TLX3: variants seen among roughly 807,000 people sequenced by gnomAD.
TLX3 encodes T cell leukemia homeobox 3.
In TLX3, 11 loss-of-function variants were observed where a neutral mutation model predicts 19.6. That is an observed-to-expected ratio of 0.56 (90% CI 0.35 to 0.93). The LOEUF is 0.93. Ranked by LOEUF, TLX3 falls within the 40% of genes least tolerant of loss-of-function variation. The probability of loss-of-function intolerance (pLI) is 0.01; values close to 1 mark genes in which losing one functional copy is unlikely to be tolerated. For missense variants in TLX3, 375 were observed against 418.6 expected (o/e 0.90, Z 0.91); for synonymous variants, 221 against 188.1 (o/e 1.17, Z -1.43).
Position 171,309,350 on chromosome 5 carries a change from C to CCCCCCCCA in TLX3, c.-16_-15insCCCCCCCA. ...CCTCCCCGCCCAGCCCAGCCCAGCC[C>CCCCCCCCA]TTCCGCCCGCCCAGGATGGAGGCGC... On this transcript the variant is annotated 5_prime_UTR_variant, in exon 1 of 3. Coordinates refer to ENST00000296921, the MANE Select transcript of TLX3 (RefSeq NM_021025.4). The CCCCCCCCA allele has an allele frequency of 5.2e-6, 8 of 1,550,724 alleles. No individual in the cohort carries two copies. Among genetic ancestry groups the CCCCCCCCA allele is most frequent in the Non-Finnish European group, 7.0e-6 (8 of 1,146,640 alleles).
rs1285483726 is a variant in TLX3, at chr5:171,309,713, G to A, written c.348G>A (p.Thr116=). 6.2e-7 allele frequency: 1 copy of A among 1,611,386 alleles called. No individual in the cohort carries two copies. Among genetic ancestry groups the A allele is most frequent in the South Asian group, 1.1e-5 (1 of 90,910 alleles). Reference sequence around the variant, plus strand: ...TACCCGCCATGCCCTCCGTGCCCACGGTCTCCAGCCTTGGCGGTCTCAATT... The same window carrying A: ...TACCCGCCATGCCCTCCGTGCCCACAGTCTCCAGCCTTGGCGGTCTCAATT... ...SALPAMPSVP[T]VSSLGGLNFP... The change falls in exon 1 of 3, where the codon ACG becomes ACA. Residue 116 remains threonine, a synonymous_variant. Coordinates refer to ENST00000296921, the MANE Select transcript of TLX3 (RefSeq NM_021025.4).
rs1350743592 is a variant in TLX3, at chr5:171,311,431, G to C, written c.708G>C (p.Ala236=). 1.3e-6 allele frequency: 2 copies of C among 1,572,084 alleles called. No individual in the cohort carries two copies. The highest frequency in any genetic ancestry group is 1.9e-5 in the Admixed American group (1 of 53,796). ...AEEREAERQQ[A]SRLMLQLQHD... ...AGCGGGAGGCGGAGCGGCAGCAGGC[G>C]AGCCGGCTCATGCTGCAGCTGCAAC... Residue 236 remains alanine (A), a synonymous_variant, in exon 3 of 3, where the codon GCG becomes GCC. Coordinates refer to ENST00000296921, the MANE Select transcript of TLX3 (RefSeq NM_021025.4). This position sits in a 1 kb window ranked among gnomAD's most constrained non-coding sequence, Gnocchi z 5.1.
Position 171,309,327 on chromosome 5 carries a change from TCC to T in TLX3, c.-36_-35del. On this transcript the variant is annotated 5_prime_UTR_variant, in exon 1 of 3. Transcript: ENST00000296921. ...GCGCCGTAACGGGGACCCAGCCGCC[TCC>T]CCGCCCAGCCCAGCCCAGCCCTTCC... 1.0e-6 allele frequency: 1 copy of T among 976,976 alleles called. No individual in the cohort carries two copies. Among genetic ancestry groups the T allele is most frequent in the African/African-American group, 1.7e-5 (1 of 58,114 alleles). 60.5% of individuals were successfully genotyped at this position (976,976 alleles called of 1,614,324 possible).
chr5:171,310,417 A>G (rs1405938812), intron 2 of TLX3, 24 bp downstream of exon 2: 4 of 1,606,168 alleles, frequency 2.5e-6, no homozygotes, highest in Middle Eastern at 3.3e-4. Flanking sequence ...GACCCGGCCC[A>G]CCTTACACCT....
chr5:171,310,758 A>G (rs1015772961), intron 2 of TLX3, among the ~76,000 whole-genome samples: 2 of 126,488 alleles, frequency 1.6e-5, no homozygotes, highest in African/African-American at 6.1e-5. Context: ...ACACACGCGC[A>G]CACACACGGG....
At chr5:171,310,114 G>C (rs1331459958) in intron 1 of TLX3, 36 bp from the exon 2 acceptor site, 1 of 1,539,994 alleles carries the variant, frequency 6.5e-7, no homozygotes, top group Non-Finnish European at 8.8e-7. Flanking sequence ...TGGCGGAGCC[G>C]GGCTGGGCTT....
Position 171,312,011 on chromosome 5 carries a change from G to T in TLX3, c.*412G>T, listed in dbSNP as rs1769233442. The T allele has an allele frequency of 1.0e-5, 2 of 194,012 alleles. No homozygotes were observed. The highest frequency in any genetic ancestry group is 7.8e-5 in the East Asian group (1 of 12,742). 12.0% of individuals were successfully genotyped at this position (194,012 alleles called of 1,614,324 possible). On this transcript the variant is annotated 3_prime_UTR_variant, in exon 3 of 3. Transcript: ENST00000296921. The stretch of plus-strand genomic sequence containing the variant: ...GGGGGCCGCTGGAGGAAGGGCAGCC[G>T]ACCCGGCCGCTGGGGGAAGTGCCAG...
Position 171,309,846 on chromosome 5 carries a change from G to A in TLX3, c.421+60G>A, listed in dbSNP as rs536377910. On this transcript the variant is annotated intron_variant, in intron 1 of 2. Coordinates refer to ENST00000296921, the MANE Select transcript of TLX3 (RefSeq NM_021025.4). The stretch of plus-strand genomic sequence containing the variant: ...GCCCTCTCGGGGCCAGAGGCGCCGC[G>A]CCCTGTGCGCTCCACTCCCGGAAAC... The A allele has an allele frequency of 5.4e-6, 8 of 1,484,448 alleles. No individual in the cohort carries two copies. The South Asian group carries it at 6.9e-5, about 13-fold the overall frequency. 92.0% of individuals were successfully genotyped at this position (1,484,448 alleles called of 1,614,324 possible).
chr5:171,311,659 C>T lies in TLX3; in HGVS notation c.*60C>T. ...CCCCCACCCAGCCGGGCGCCCCGGA[C>T]CCCCCAGGCGGGCTGCGGGGGAACC... On this transcript the variant is annotated 3_prime_UTR_variant, in exon 3 of 3. Coordinates refer to ENST00000296921, the MANE Select transcript of TLX3 (RefSeq NM_021025.4). The surrounding 1 kb of genome is among the most constrained non-coding windows in gnomAD (Gnocchi z 5.1). 7.3e-7 allele frequency: 1 copy of T among 1,370,340 alleles called. No homozygotes were observed. The highest frequency in any genetic ancestry group is 1.0e-6 in the Non-Finnish European group (1 of 992,938). 84.9% of individuals were successfully genotyped at this position (1,370,340 alleles called of 1,614,324 possible).
Position 171,309,692 on chromosome 5 carries a change from C to T in TLX3, c.327C>T (p.Pro109=), listed in dbSNP as rs755193993. ...AVPPPLPSAL[P]AMPSVPTVSS... ...CACCGCCTCTGCCAAGCGCGCTACCCGCCATGCCCTCCGTGCCCACGGTCT... is the reference window on the plus strand; with the variant it reads ...CACCGCCTCTGCCAAGCGCGCTACCTGCCATGCCCTCCGTGCCCACGGTCT... The change falls in exon 1 of 3, where the codon CCC becomes CCT. Residue 109 remains proline (P), a synonymous_variant. Transcript: ENST00000296921. 31 of 1,611,016 alleles carry T rather than the reference C, an allele frequency of 1.9e-5. No individual in the cohort carries two copies. The highest frequency in any genetic ancestry group is 1.6e-4 in the Middle Eastern group (1 of 6,076).
In TLX3 at chr5:171,309,330, C is replaced by T; in HGVS notation, c.-36C>T. 1 of 969,488 alleles carries T rather than the reference C, an allele frequency of 1.0e-6. No homozygotes were observed. Among genetic ancestry groups the T allele is most frequent in the South Asian group, 1.5e-5 (1 of 64,606 alleles). 60.1% of individuals were successfully genotyped at this position (969,488 alleles called of 1,614,324 possible). On this transcript the variant is annotated 5_prime_UTR_variant, in exon 1 of 3. Transcript: ENST00000296921. ...CCGTAACGGGGACCCAGCCGCCTCCCCGCCCAGCCCAGCCCAGCCCTTCCG... is the reference window on the plus strand; with the variant it reads ...CCGTAACGGGGACCCAGCCGCCTCCTCGCCCAGCCCAGCCCAGCCCTTCCG...
Position 171,312,084 on chromosome 5 carries a change from C to T in TLX3, c.*485C>T, listed in dbSNP as rs1045167336. 7.6e-5 allele frequency: 14 copies of T among 184,312 alleles called. No individual in the cohort carries two copies. The highest frequency in any genetic ancestry group is 3.3e-4 in the African/African-American group (14 of 42,526). 11.4% of individuals were successfully genotyped at this position (184,312 alleles called of 1,614,324 possible). On this transcript the variant is annotated 3_prime_UTR_variant, in exon 3 of 3. Coordinates refer to ENST00000296921, the MANE Select transcript of TLX3 (RefSeq NM_021025.4). ...AGGCTGGGTCCACTCTTCTTCTTTT[C>T]CGTTCCTTTTATTTAAGTCTTTTTA...
chr5:171,309,618 G>C lies in TLX3; in HGVS notation c.253G>C (p.Ala85Pro), dbSNP rs34255055. The change falls in exon 1 of 3, where the codon GCA (alanine) becomes CCA (proline). Residue 85 changes from alanine to proline, a missense_variant. Transcript: ENST00000296921. Reference sequence around the variant, plus strand: ...CAGTGTGAACCTGAGCCTAGCGCCCGCAGGCGTGATCCGGGTGCCGGCGCA... The same window carrying C: ...CAGTGTGAACCTGAGCCTAGCGCCCCCAGGCGTGATCCGGGTGCCGGCGCA... ...SYSVNLSLAPAGVIRVPAHRP... is the reference protein window; with the variant it reads ...SYSVNLSLAPPGVIRVPAHRP... 6.2e-7 allele frequency: 1 copy of C among 1,607,010 alleles called. No individual in the cohort carries two copies. The highest frequency in any genetic ancestry group is 1.3e-5 in the African/African-American group (1 of 74,752).
intron 1 of TLX3, 139 bp from the exon 2 acceptor site, chr5:171,310,011 G>A: frequency 7.2e-7 from 1 of 1,384,104 alleles, no homozygotes; most frequent in Non-Finnish European, 9.5e-7. Flanking sequence ...CTCCCGACCG[G>A]CTTGGTGTCT....
Position 171,309,539 on chromosome 5 carries a change from T to A in TLX3, c.174T>A (p.Ser58=). ...GCCGTCCGGGCGCCACATACCCGTC[T>A]CTGCCCGCCTCCTTTGCGGGCCTCG... is the stretch of plus-strand genomic sequence containing the variant. ...PGGRPGATYP[S]LPASFAGLGA... Residue 58 remains serine (S), a synonymous_variant, in exon 1 of 3, where the codon TCT becomes TCA. Coordinates refer to ENST00000296921, the MANE Select transcript of TLX3 (RefSeq NM_021025.4). 1 of 1,573,366 alleles carries A rather than the reference T, an allele frequency of 6.4e-7. No homozygotes were observed. Among genetic ancestry groups the A allele is most frequent in the Non-Finnish European group, 8.6e-7 (1 of 1,161,042 alleles).
chr5:171,310,155 G>T lies in TLX3; in HGVS notation c.427G>T (p.Ala143Ser). 3.9e-6 allele frequency: 6 copies of T among 1,549,708 alleles called. No individual in the cohort carries two copies. The highest frequency in any genetic ancestry group is 1.4e-5 in the African/African-American group (1 of 73,168). The change falls in exon 2 of 3, where the codon GCC becomes TCC. Residue 143 changes from alanine (A) to serine (S), a missense_variant. Around this residue, in one of 3 missense-constraint regions of TLX3, gnomAD observed 239 missense variants for 217.0 expected, o/e 1.10. Coordinates refer to ENST00000296921, the MANE Select transcript of TLX3 (RefSeq NM_021025.4). ...RFVKDRFTAA[A>S]ALTPFTVTRR... The stretch of plus-strand genomic sequence containing the variant: ...GCCCTCCTGTGTCTCCGCAGCGGCG[G>T]CCGCACTCACGCCCTTCACCGTGAC...
Position 171,309,541 on chromosome 5 carries a change from T to A in TLX3, c.176T>A (p.Leu59Gln). 6.4e-7 allele frequency: 1 copy of A among 1,574,654 alleles called. No homozygotes were observed. The highest frequency in any genetic ancestry group is 8.6e-7 in the Non-Finnish European group (1 of 1,161,608). The part of the protein sequence containing the change: ...GGRPGATYPS[L>Q]PASFAGLGAP... ...CGTCCGGGCGCCACATACCCGTCTCTGCCCGCCTCCTTTGCGGGCCTCGGC... is the reference window on the plus strand; with the variant it reads ...CGTCCGGGCGCCACATACCCGTCTCAGCCCGCCTCCTTTGCGGGCCTCGGC... Residue 59 changes from leucine to glutamine, a missense_variant, in exon 1 of 3, where the codon CTG becomes CAG. Physicochemically the swap from Leu to Gln is moderately radical, Grantham distance 113. This residue lies in a region of TLX3 where 239 missense variants were observed against 217.0 expected (regional missense o/e 1.10). Coordinates refer to ENST00000296921, the MANE Select transcript of TLX3 (RefSeq NM_021025.4).
Position 171,311,521 on chromosome 5 carries a change from G to A in TLX3, c.798G>A (p.Ser266=). 6.2e-7 allele frequency: 1 copy of A among 1,613,482 alleles called. No homozygotes were observed. The highest frequency in any genetic ancestry group is 8.5e-7 in the Non-Finnish European group (1 of 1,179,760). ...IQPDPLCLHN[S]SLFALQNLQP... is the part of the protein sequence containing the mutation. ...CTGACCCGCTCTGTCTGCACAACTC[G>A]TCACTCTTTGCTCTGCAGAATCTGC... The change falls in exon 3 of 3, where the codon TCG becomes TCA. Residue 266 remains serine (S), a synonymous_variant. Coordinates refer to ENST00000296921, the MANE Select transcript of TLX3 (RefSeq NM_021025.4). This position sits in a 1 kb window ranked among gnomAD's most constrained non-coding sequence, Gnocchi z 5.1.
At position 171,309,696 on chromosome 5, in the gene TLX3, ATGCCCTCCG is replaced by A; in HGVS notation, c.337_345del (p.Ser113_Pro115del). ...GCCTCTGCCAAGCGCGCTACCCGCC[ATGCCCTCCG>A]TGCCCACGGTCTCCAGCCTTGGCGG... On this transcript the variant is annotated inframe_deletion, in exon 1 of 3. Transcript: ENST00000296921. The A allele has an allele frequency of 6.2e-7, 1 of 1,611,228 alleles. No individual in the cohort carries two copies. Among genetic ancestry groups the A allele is most frequent in the Non-Finnish European group, 8.5e-7 (1 of 1,179,332 alleles).
Sources: allele counts gnomAD v4.1 joint callset (sites outside exome capture counted in the v4.1 genomes callset), GRCh38; gene constraint gnomAD v4.1.1; regional missense constraint gnomAD v4.1.1; non-coding constraint Gnocchi (gnomAD v3.1); transcripts MANE v1.5; gene names NCBI Gene and HGNC (gene_info 2026-07-23, HGNC 2026-07-21).